Variants in AK9 observed in about 807,000 individuals in gnomAD.
AK9 encodes the protein adenylate kinase 9, also known as adenylate kinase domain containing 1.
Under a neutral mutation model 239.6 loss-of-function variants are expected in AK9, and 191 were observed. The ratio of observed to expected loss-of-function variants is 0.80; its 90% CI spans 0.71 to 0.90. The LOEUF (loss-of-function observed/expected upper bound fraction) is 0.90, where lower values mean the gene tolerates loss of function less well. Ranked by LOEUF, AK9 falls within the 40% of genes least tolerant of loss-of-function variation. The probability of loss-of-function intolerance (pLI) is 0.00; values close to 1 mark genes in which losing one functional copy is unlikely to be tolerated. For synonymous variants in AK9, 689 were observed against 721.0 expected (o/e 0.96, Z 0.71); for missense variants, 1,995 against 2,214.7 (o/e 0.90, Z 1.99).
intron 8 of AK9, among the ~76,000 whole-genome samples, chr6:109,649,973 A>G (rs1402100021): frequency 6.6e-6 from 1 of 152,178 alleles, no homozygotes; most frequent in Non-Finnish European, 1.5e-5. Flanking sequence ...TGACAAAAAC[A>G]AGCAATGGGG....
At chr6:109,627,075 T>C (rs1287881467) in intron 12 of AK9, among the ~76,000 whole-genome samples, 21 of 151,764 alleles carry the variant, frequency 1.4e-4, no homozygotes, top group Admixed American at 1.4e-3. Flanking sequence ...ATTGTACAGA[T>C]GTACAAAATA....
chr6:109,528,986 T>C, intron 29 of AK9, 25 bp downstream of exon 29: 1 of 1,543,066 alleles, frequency 6.5e-7, no homozygotes, highest in Non-Finnish European at 8.7e-7. Flanking sequence ...GACCCTGTTT[T>C]GAAAAAAAAA....
intron 35 of AK9, among the ~76,000 whole-genome samples, chr6:109,504,725 C>T (rs887808246): frequency 6.6e-6 from 1 of 152,150 alleles, no homozygotes; most frequent in Non-Finnish European, 1.5e-5. Context: ...ACAAGAATTG[C>T]TTGAACCCGG....
intron 15 of AK9, among the ~76,000 whole-genome samples, chr6:109,613,065 G>A (rs1793763802): frequency 1.3e-5 from 2 of 149,656 alleles, no homozygotes; most frequent in African/African-American, 4.9e-5. Context: ...CTCTCAATCA[G>A]ACATTTAGAT....
At chr6:109,562,295 C>T (rs1785876317) in intron 24 of AK9, among the ~76,000 whole-genome samples, 1 of 152,014 alleles carries the variant, frequency 6.6e-6, no homozygotes, top group East Asian at 1.9e-4. Context: ...TATGGTCATA[C>T]CATTAATGTA....
At chr6:109,552,340 T>C (rs1016133051) in intron 24 of AK9, among the ~76,000 whole-genome samples, 2 of 152,210 alleles carry the variant, frequency 1.3e-5, no homozygotes, top group Admixed American at 1.3e-4. Context: ...AAAGCATTCC[T>C]ATTTCTCCAC....
At chr6:109,553,059 T>C (rs1282426620) in intron 24 of AK9, among the ~76,000 whole-genome samples, 1 of 152,150 alleles carries the variant, frequency 6.6e-6, no homozygotes, top group Non-Finnish European at 1.5e-5. Context: ...ATTCCATTGG[T>C]CTATATGTCT....
intron 24 of AK9, among the ~76,000 whole-genome samples, chr6:109,559,167 G>GTTTTT (rs79796830): frequency 3.4e-5 from 5 of 145,302 alleles, no homozygotes; most frequent in East Asian, 2.1e-4. Flanking sequence ...ATATCTATCT[G>GTTTTT]TTTTTTTTTT....
intron 8 of AK9, among the ~76,000 whole-genome samples, chr6:109,655,210 C>A (rs1184194848): frequency 3.3e-5 from 5 of 152,164 alleles, no homozygotes; most frequent in African/African-American, 1.2e-4. Flanking sequence ...TTGCTAGCAT[C>A]AGGAATTCTT....
chr6:109,690,271 G>C (rs78200890), intron 1 of AK9, among the ~76,000 whole-genome samples: 4,214 of 152,280 alleles, frequency 0.028, 96 homozygotes, highest in East Asian at 0.11. Flanking sequence ...CTTGCAGTAG[G>C]TGTTCAGTAA....
At chr6:109,616,384 A>C (rs1794194922) in intron 13 of AK9, among the ~76,000 whole-genome samples, 1 of 151,982 alleles carries the variant, frequency 6.6e-6, no homozygotes, top group South Asian at 2.1e-4. Context: ...TACATTTGAT[A>C]ATTTTCATTT....
intron 21 of AK9, among the ~76,000 whole-genome samples, chr6:109,567,119 C>CA (rs1194480152): frequency 6.6e-6 from 1 of 151,998 alleles, no homozygotes; most frequent in African/African-American, 2.4e-5. Flanking sequence ...AAAAACCCTT[C>CA]AAAAAATCAA....
chr6:109,526,603 A>G (rs1233977677), intron 29 of AK9, among the ~76,000 whole-genome samples: 2 of 152,100 alleles, frequency 1.3e-5, no homozygotes, highest in Non-Finnish European at 2.9e-5. Flanking sequence ...AAGTGACGGA[A>G]GAGGAAAGCA....
chr6:109,673,289 G>C (rs1246842618), intron 3 of AK9, among the ~76,000 whole-genome samples: 1 of 152,082 alleles, frequency 6.6e-6, no homozygotes, highest in Non-Finnish European at 1.5e-5. Flanking sequence ...TTTACTAACA[G>C]CATGTGGAAT....
At chr6:109,585,262 T>TA in intron 18 of AK9, 25 bp from the exon 19 acceptor site, 1 of 708,460 alleles carries the variant, frequency 1.4e-6, no homozygotes, top group Non-Finnish European at 1.9e-6. Flanking sequence ...AGGAGACTAA[T>TA]ATTACTTTTG....
At chr6:109,621,597 A>G (rs1794816457) in intron 12 of AK9, among the ~76,000 whole-genome samples, 1 of 84,674 alleles carries the variant, frequency 1.2e-5, no homozygotes, top group Non-Finnish European at 2.2e-5. Context: ...TTGTAGGGAC[A>G]TGGATGAAAT....
At chr6:109,626,280 T>C (rs1308037230) in intron 12 of AK9, among the ~76,000 whole-genome samples, 1 of 152,250 alleles carries the variant, frequency 6.6e-6, no homozygotes, top group African/African-American at 2.4e-5. Context: ...ATCTGCTAAA[T>C]CCAACATTTG....
chr6:109,691,198 C>A lies in AK9; in HGVS notation c.-63G>T, dbSNP rs1774352775. 4 of 586,770 alleles carry A rather than the reference C, an allele frequency of 6.8e-6. No homozygotes were observed. Among genetic ancestry groups the A allele is most frequent in the Non-Finnish European group, 1.2e-5 (4 of 327,342 alleles). The allele number at this position is 586,770 out of a possible 1,614,324, so 36.3% of individuals were successfully genotyped here. A position where few individuals can be genotyped will look rare whatever the true frequency, so the allele number is the denominator to read the frequency against. On this transcript the variant is annotated 5_prime_UTR_variant, in exon 1 of 41. Coordinates refer to ENST00000424296, the MANE Select transcript of AK9 (RefSeq NM_001145128.3). Reference sequence around the variant, plus strand: ...CTCGGCAGCACGCAGGTCCCGGGAGCCTCTACCCGACCTCTCTATGATACG... The same window carrying A: ...CTCGGCAGCACGCAGGTCCCGGGAGACTCTACCCGACCTCTCTATGATACG...
At chr6:109,604,777 T>C (rs1024725010) in intron 17 of AK9, among the ~76,000 whole-genome samples, 1 of 152,218 alleles carries the variant, frequency 6.6e-6, no homozygotes, top group African/African-American at 2.4e-5. Flanking sequence ...AATCTATAAA[T>C]TGAGAAAGAT....
Sources: gnomAD v4.1 joint callset for allele counts (sites outside exome capture counted in the v4.1 genomes callset) on GRCh38, gnomAD v4.1.1 for gene constraint, MANE v1.5 for transcripts, NCBI Gene and HGNC (gene_info 2026-07-23, HGNC 2026-07-21) for gene names.